The following ASIC5 variants were observed in gnomAD, a reference collection of about 807,000 sequenced individuals.
The protein encoded by ASIC5 is bile acid-sensitive ion channel.
Under a neutral mutation model 51.2 loss-of-function variants are expected in ASIC5, and 52 were observed. The ratio of observed to expected loss-of-function variants is 1.02; its 90% CI spans 0.81 to 1.28. The LOEUF is 1.28. Among genes scored for constraint, ASIC5 ranks in the 50% most tolerant of loss-of-function variants. The probability of loss-of-function intolerance (pLI) is 0.00; values close to 1 mark genes in which losing one functional copy is unlikely to be tolerated. For synonymous variants in ASIC5, 231 were observed against 200.7 expected (o/e 1.15, Z -1.28); for missense variants, 635 against 595.0 (o/e 1.07, Z -0.70).
chr4:155,834,807 C>T (rs563351718), intron 8 of ASIC5, among the ~76,000 whole-genome samples: 18 of 152,072 alleles, frequency 1.2e-4, no homozygotes, highest in Middle Eastern at 3.4e-3. Context: ...CCAGAAGAGA[C>T]GAGAAGACCA....
chr4:155,862,480 G>C (rs1200859438), intron 2 of ASIC5, among the ~76,000 whole-genome samples: 1 of 152,092 alleles, frequency 6.6e-6, no homozygotes, highest in African/African-American at 2.4e-5. Context: ...TAAGTGGTGA[G>C]TCTTAAGAAG....
At chr4:155,859,001 C>T (rs1291070918) in intron 2 of ASIC5, 1 of 151,930 alleles carries the variant, frequency 6.6e-6, no homozygotes, top group African/African-American at 2.4e-5. Context: ...CTTCATTTTA[C>T]AGTAAGGATC....
intron 1 of ASIC5, among the ~76,000 whole-genome samples, chr4:155,864,325 TA>T: frequency 6.6e-6 from 1 of 152,316 alleles, no homozygotes. Context: ...TAGTATTAGT[TA>T]AGTAATCTAT....
At chr4:155,842,769 A>G (rs958745770) in intron 5 of ASIC5, among the ~76,000 whole-genome samples, 2 of 152,282 alleles carry the variant, frequency 1.3e-5, no homozygotes, top group Middle Eastern at 3.4e-3. Flanking sequence ...TCCTTAGTTC[A>G]GCTAAAACTG....
At chr4:155,852,152 A>C (rs1349785653) in intron 4 of ASIC5, 39 bp downstream of exon 4, 1 of 1,610,102 alleles carries the variant, frequency 6.2e-7, no homozygotes, top group Non-Finnish European at 8.5e-7. Flanking sequence ...AAACCCCCAC[A>C]CATTCTCGTT....
intron 4 of ASIC5, among the ~76,000 whole-genome samples, chr4:155,851,608 C>G (rs1962684): frequency 6.6e-6 from 1 of 151,688 alleles, no homozygotes; most frequent in South Asian, 2.1e-4. Flanking sequence ...ATACTAGGAA[C>G]CCTTGAAGAA....
intron 4 of ASIC5, among the ~76,000 whole-genome samples, chr4:155,845,358 T>G (rs1741216318): frequency 2.7e-5 from 4 of 150,716 alleles, no homozygotes; most frequent in African/African-American, 9.7e-5. Flanking sequence ...TTTGTGGGTT[T>G]TTTTTTTGTT....
chr4:155,864,340 C>T (rs1741803949), intron 1 of ASIC5, among the ~76,000 whole-genome samples: 1 of 152,058 alleles, frequency 6.6e-6, no homozygotes, highest in Non-Finnish European at 1.5e-5. Flanking sequence ...AATCTATTTT[C>T]TACCTCTTCA....
intron 9 of ASIC5, among the ~76,000 whole-genome samples, chr4:155,830,614 T>G (rs949246151): frequency 2.6e-5 from 4 of 152,206 alleles, no homozygotes; most frequent in Non-Finnish European, 5.9e-5. Flanking sequence ...ATTTACCATG[T>G]TAACCATTTT....
chr4:155,858,131 T>A (rs1424889335), intron 2 of ASIC5, among the ~76,000 whole-genome samples: 1 of 152,084 alleles, frequency 6.6e-6, no homozygotes, highest in African/African-American at 2.4e-5. Context: ...AATTTTGTTA[T>A]AAAGATATTT....
chr4:155,830,038 C>G lies in ASIC5; in HGVS notation c.1336G>C (p.Gly446Arg). Residue 446 changes from glycine (G) to arginine (R), a missense_variant, in exon 10 of 10, where the codon GGT (glycine) becomes CGT (arginine). Coordinates refer to ENST00000537611, the MANE Select transcript of ASIC5 (RefSeq NM_017419.3). ...CCACAAAATAGACCCAGCTGACCAC[C>G]AAGATCTGCTGTAATAAAACCAATA... ...VSVSELLADL[G>R]GQLGLFCGAS... 1 of 1,540,494 alleles carries G rather than the reference C, an allele frequency of 6.5e-7. No homozygotes were observed. Among genetic ancestry groups the G allele is most frequent in the Non-Finnish European group, 8.7e-7 (1 of 1,146,046 alleles).
chr4:155,864,762 G>A (rs1041757283), intron 1 of ASIC5: 2 of 152,110 alleles, frequency 1.3e-5, no homozygotes, highest in Non-Finnish European at 2.9e-5. Context: ...ATCATAATAA[G>A]TACTCAAGGG....
intron 6 of ASIC5, among the ~76,000 whole-genome samples, chr4:155,840,258 G>A (rs1741086753): frequency 6.6e-6 from 1 of 151,798 alleles, no homozygotes. Context: ...TTAGGAATGA[G>A]AAATCAGAGC....
chr4:155,830,023 G>GACCC lies in ASIC5; in HGVS notation c.1347_1350dup (p.Leu451GlyfsTer16). 1.3e-6 allele frequency: 2 copies of GACCC among 1,556,188 alleles called. No homozygotes were observed. Among genetic ancestry groups the GACCC allele is most frequent in the Non-Finnish European group, 1.7e-6 (2 of 1,154,038 alleles). On this transcript the variant is annotated frameshift_variant, in exon 10 of 10. Coordinates refer to ENST00000537611, the MANE Select transcript of ASIC5 (RefSeq NM_017419.3). LOFTEE classifies it high-confidence loss of function. ...GTGATCAGACTGGCCCCACAAAATA[G>GACCC]ACCCAGCTGACCACCAAGATCTGCT...
intron 4 of ASIC5, among the ~76,000 whole-genome samples, chr4:155,848,450 G>A (rs1347024713): frequency 6.6e-6 from 1 of 152,028 alleles, no homozygotes; most frequent in African/African-American, 2.4e-5. Context: ...TTATGTAAAT[G>A]TTATTGGTAA....
intron 2 of ASIC5, among the ~76,000 whole-genome samples, chr4:155,861,478 T>G (rs892260378): frequency 5.9e-5 from 9 of 152,006 alleles, no homozygotes; most frequent in Non-Finnish European, 1.0e-4. Context: ...CTATGTTGTC[T>G]GAGATTAGGA....
At chr4:155,858,569 A>G (rs576113777) in intron 2 of ASIC5, among the ~76,000 whole-genome samples, 1 of 152,208 alleles carries the variant, frequency 6.6e-6, no homozygotes, top group South Asian at 2.1e-4. Flanking sequence ...AAGGTTGAGG[A>G]TGAACCTGGG....
chr4:155,839,377 ACACACACG>A (rs1355079816), intron 6 of ASIC5, among the ~76,000 whole-genome samples: 3 of 116,868 alleles, frequency 2.6e-5, no homozygotes, highest in East Asian at 2.8e-4. Flanking sequence ...ACACACACAC[ACACACACG>A]TTCCTGACAG....
chr4:155,841,430 GGA>G (rs1457570351), intron 6 of ASIC5, among the ~76,000 whole-genome samples: 1 of 152,116 alleles, frequency 6.6e-6, no homozygotes, highest in African/African-American at 2.4e-5. Flanking sequence ...TGACAGCAGA[GGA>G]GAGAGGTTAG....
Sources: gnomAD v4.1 joint callset for allele counts (sites outside exome capture counted in the v4.1 genomes callset) on GRCh38, gnomAD v4.1.1 for gene constraint, MANE v1.5 for transcripts, NCBI Gene and HGNC (gene_info 2026-07-23, HGNC 2026-07-21) for gene names.